The following CADPS variants were observed in gnomAD, a reference collection of about 807,000 sequenced individuals.
CADPS encodes the protein calcium-dependent secretion activator 1.
Under a neutral mutation model 167.3 loss-of-function variants are expected in CADPS, and 57 were observed. The ratio of observed to expected loss-of-function variants is 0.34; its 90% CI spans 0.28 to 0.42. CADPS has a LOEUF of 0.42. Among genes scored for constraint, CADPS ranks in the 20% least tolerant of loss-of-function variants. The pLI, the probability that CADPS is intolerant of heterozygous loss-of-function variation, is 1.00. For synonymous variants in CADPS, 676 were observed against 635.3 expected, an observed-to-expected ratio of 1.06 and a Z score of -0.96; for missense variants, 1,414 against 1,738.1, an observed-to-expected ratio of 0.81 and a Z score of 3.32.
intron 26 of CADPS, among the ~76,000 whole-genome samples, chr3:62,452,854 T>G (rs993793069): frequency 2.0e-5 from 3 of 152,148 alleles, no homozygotes; most frequent in Admixed American, 6.5e-5. Context: ...TGGTTCATGC[T>G]TATAAACCTA....
chr3:62,577,034 C>A lies in CADPS; in HGVS notation c.1578-6096G>T, dbSNP rs11130888. On this transcript the variant is annotated intron_variant, in intron 8 of 29. Coordinates refer to ENST00000383710, the MANE Select transcript of CADPS (RefSeq NM_003716.4). ...TAGTTATATGAGAGACCAGAGTGAG[C>A]GAGCTACAAAGGATTAAAAAAAGAA... Among the ~76,000 whole-genome samples the A allele has an allele frequency of 4.2e-3, 635 of 151,696 alleles. 5 individuals are homozygous for A. Among genetic ancestry groups the A allele is most frequent in the Non-Finnish European group, 6.5e-3 (442 of 67,944 alleles).
At chr3:62,467,170 C>A in intron 24 of CADPS, 1 of 331,994 alleles carries the variant, frequency 3.0e-6, no homozygotes, top group Non-Finnish European at 4.9e-6. Flanking sequence ...GATTTTAACA[C>A]AAAATATTAT....
intron 2 of CADPS, among the ~76,000 whole-genome samples, chr3:62,763,284 G>A (rs1374157733): frequency 6.6e-6 from 1 of 152,154 alleles, no homozygotes; most frequent in African/African-American, 2.4e-5. Context: ...TGCTCCTGGA[G>A]GTGCTAAACT....
intron 9 of CADPS, among the ~76,000 whole-genome samples, chr3:62,567,564 CTTTTTTTTTTTTTT>C (rs10561022): frequency 3.8e-4 from 13 of 33,820 alleles, no homozygotes; most frequent in South Asian, 1.5e-3. Context: ...CTAAGCACTG[CTTTTTTTTTTTTTT>C]TTTTTTTTTT....
chr3:62,828,262 G>A (rs2074423655), intron 1 of CADPS, among the ~76,000 whole-genome samples: 1 of 152,146 alleles, frequency 6.6e-6, no homozygotes, highest in Non-Finnish European at 1.5e-5. Flanking sequence ...GTGGAGCCAG[G>A]GCTCCAGATG....
At chr3:62,652,404 A>C (rs75059339) in intron 4 of CADPS, among the ~76,000 whole-genome samples, 3,809 of 130,468 alleles carry the variant, frequency 0.029, 27 homozygotes, top group Middle Eastern at 0.046. Flanking sequence ...GTGGCCAAAA[A>C]AAAAAAAAAA....
intron 10 of CADPS, among the ~76,000 whole-genome samples, chr3:62,554,972 C>T (rs560371325): frequency 3.3e-5 from 5 of 152,188 alleles, no homozygotes; most frequent in South Asian, 2.1e-4. Context: ...AGGCTGGTCT[C>T]GAACCCCTGA....
intron 9 of CADPS, among the ~76,000 whole-genome samples, chr3:62,561,574 A>G (rs1325281779): frequency 1.3e-5 from 2 of 152,040 alleles, no homozygotes. Flanking sequence ...CTGGCCAGAT[A>G]TCTCTTAATA....
At chr3:62,812,346 T>G (rs557265475) in intron 1 of CADPS, among the ~76,000 whole-genome samples, 69 of 152,292 alleles carry the variant, frequency 4.5e-4, no homozygotes, top group African/African-American at 1.6e-3. Flanking sequence ...GGCCTTCAAG[T>G]GAGGTGACAC....
chr3:62,668,007 C>T (rs886924238), intron 3 of CADPS, among the ~76,000 whole-genome samples: 1 of 152,078 alleles, frequency 6.6e-6, no homozygotes, highest in Admixed American at 6.5e-5. Flanking sequence ...GTACCAGCTA[C>T]CCCTGGGCAT....
intron 13 of CADPS, among the ~76,000 whole-genome samples, chr3:62,531,782 T>C (rs2073755772): frequency 6.6e-6 from 1 of 152,138 alleles, no homozygotes; most frequent in Non-Finnish European, 1.5e-5. Context: ...GCTACATACA[T>C]TGAGATAGTA....
At chr3:62,566,720 C>T (rs764012171) in intron 9 of CADPS, among the ~76,000 whole-genome samples, 41 of 152,162 alleles carry the variant, frequency 2.7e-4, no homozygotes, top group Middle Eastern at 3.4e-3. Flanking sequence ...TCCTGGCTCC[C>T]CCATTATCTT....
chr3:62,545,068 G>GA (rs1481128448), intron 11 of CADPS, among the ~76,000 whole-genome samples: 1 of 152,080 alleles, frequency 6.6e-6, no homozygotes, highest in Non-Finnish European at 1.5e-5. Flanking sequence ...AACTGTTGAA[G>GA]ACGTTCAGGT....
chr3:62,727,616 G>C (rs1235556643), intron 3 of CADPS, among the ~76,000 whole-genome samples: 1 of 151,848 alleles, frequency 6.6e-6, no homozygotes, highest in Non-Finnish European at 1.5e-5. Context: ...GAGATGTAGG[G>C]CTTTTCCTCA....
chr3:62,861,696 T>A (rs2080831103), intron 1 of CADPS, among the ~76,000 whole-genome samples: 1 of 152,208 alleles, frequency 6.6e-6, no homozygotes, highest in African/African-American at 2.4e-5. Context: ...TGCTCAGAAT[T>A]CTTCAGCAGT....
At chr3:62,583,737 G>A (rs772323687) in intron 8 of CADPS, among the ~76,000 whole-genome samples, 3 of 150,686 alleles carry the variant, frequency 2.0e-5, no homozygotes, top group Non-Finnish European at 2.9e-5. Flanking sequence ...CCTCTCTGGT[G>A]CCCTGACTGG....
chr3:62,497,479 G>A (rs1452078), intron 18 of CADPS, among the ~76,000 whole-genome samples: 1,691 of 152,258 alleles, frequency 0.011, 22 homozygotes, highest in African/African-American at 0.037. Context: ...ACTTACCATC[G>A]CCGGAACCCC....
rs1285626769 is a variant in CADPS, at chr3:62,420,874, A to G, written c.3777+17230T>C. On this transcript the variant is annotated intron_variant, in intron 28 of 29. Transcript: ENST00000383710. This position sits in a 1 kb window ranked among gnomAD's most constrained non-coding sequence, Gnocchi z 4.1. ...GGAGGGAGAACGAACACACACACAC[A>G]CACACACACACACACACACACACAC... 1.5e-5 allele frequency among the ~76,000 whole-genome samples: 2 copies of G among 130,432 alleles called. No individual in the cohort carries two copies. The highest frequency in any genetic ancestry group is 6.5e-5 in the African/African-American group (2 of 30,718). 85.6% of individuals were successfully genotyped at this position (130,432 alleles called of 152,430 possible).
rs574837395 is a variant in CADPS at position 62,793,519 on chromosome 3, C to T, written c.442-27535G>A. On this transcript the variant is annotated intron_variant, in intron 1 of 29. Transcript: ENST00000383710. ...ATCACAGTTAAACCAGAATGTGGAC[C>T]TTTTGATATAAACCACTGCTGGAAA... Among the ~76,000 whole-genome samples the T allele has an allele frequency of 2.0e-5, 3 of 152,222 alleles. No individual in the cohort carries two copies. In the East Asian group the frequency reaches 5.8e-4, roughly 29 times the overall value.
Sources: allele counts gnomAD v4.1 joint callset (sites outside exome capture counted in the v4.1 genomes callset), GRCh38; gene constraint gnomAD v4.1.1; non-coding constraint Gnocchi (gnomAD v3.1); transcripts MANE v1.5; gene names NCBI Gene and HGNC (gene_info 2026-07-23, HGNC 2026-07-21).